The following UCHL3 variants were observed in gnomAD, a reference collection of about 807,000 sequenced individuals.
UCHL3 encodes the protein ubiquitin carboxyl-terminal hydrolase isozyme L3.
A neutral mutation model predicts 35.8 loss-of-function variants in UCHL3; 22 were observed. That is an observed-to-expected ratio of 0.61 (90% CI 0.44 to 0.88). The LOEUF (loss-of-function observed/expected upper bound fraction) is 0.88, where lower values mean the gene tolerates loss of function less well. UCHL3 is among the 40% of genes least tolerant of loss of function. The pLI, the probability that UCHL3 is intolerant of heterozygous loss-of-function variation, is 0.00. For missense variants in UCHL3, 229 were observed against 276.9 expected (o/e 0.83, Z 1.23); for synonymous variants, 90 against 92.8 (o/e 0.97, Z 0.17).
chr13:75,572,001 T>TTGTCTTGTCG (rs1566216830), intron 6 of UCHL3, among the ~76,000 whole-genome samples: 1 of 151,884 alleles, frequency 6.6e-6, no homozygotes, highest in Non-Finnish European at 1.5e-5. Flanking sequence ...TTGTCTTGTC[T>TTGTCTTGTCG]TGTCTTGTCT....
chr13:75,566,564 A>C, intron 3 of UCHL3, 131 bp from the exon 4 acceptor site: 1 of 624,294 alleles, frequency 1.6e-6, no homozygotes, highest in Non-Finnish European at 2.5e-6. Flanking sequence ...TAGGTGATAA[A>C]TTAATTCTTT....
At chr13:75,576,150 G>A (rs578001833) in intron 6 of UCHL3, among the ~76,000 whole-genome samples, 1 of 152,064 alleles carries the variant, frequency 6.6e-6, no homozygotes, top group Non-Finnish European at 1.5e-5. Flanking sequence ...TCCTAGCTTG[G>A]GATAGGAAAC....
At chr13:75,583,380 T>C (rs2032238956) in intron 6 of UCHL3, among the ~76,000 whole-genome samples, 1 of 152,216 alleles carries the variant, frequency 6.6e-6, no homozygotes, top group African/African-American at 2.4e-5. Flanking sequence ...TCCTCTGTTA[T>C]ATAAGTTTTT....
At chr13:75,586,754 A>C (rs1292697084) in intron 6 of UCHL3, among the ~76,000 whole-genome samples, 2 of 152,038 alleles carry the variant, frequency 1.3e-5, no homozygotes, top group Non-Finnish European at 2.9e-5. Flanking sequence ...TTAGATATTC[A>C]ATAGTACACT....
At chr13:75,584,291 G>C (rs2032264351) in intron 6 of UCHL3, among the ~76,000 whole-genome samples, 1 of 152,100 alleles carries the variant, frequency 6.6e-6, no homozygotes, top group Non-Finnish European at 1.5e-5. Context: ...GTGGGGATGG[G>C]TCAATAATAT....
At chr13:75,556,545 T>G (rs2031298113) in intron 2 of UCHL3, among the ~76,000 whole-genome samples, 1 of 152,232 alleles carries the variant, frequency 6.6e-6, no homozygotes, top group Non-Finnish European at 1.5e-5. Context: ...GAAAGGAAAG[T>G]GAATTTTATC....
intron 7 of UCHL3, among the ~76,000 whole-genome samples, chr13:75,597,109 G>A (rs1332138110): frequency 6.6e-6 from 1 of 152,212 alleles, no homozygotes; most frequent in African/African-American, 2.4e-5. Flanking sequence ...CATTGCAAAG[G>A]AAACTGGCAG....
At chr13:75,587,342 T>A (rs58156788) in intron 6 of UCHL3, among the ~76,000 whole-genome samples, 4,721 of 152,158 alleles carry the variant, frequency 0.031, 246 homozygotes, top group African/African-American at 0.11. Flanking sequence ...AAATTTAATA[T>A]CTGTGCTTAG....
chr13:75,562,095 A>AT (rs2031536567), intron 3 of UCHL3, among the ~76,000 whole-genome samples: 2 of 152,130 alleles, frequency 1.3e-5, no homozygotes, highest in African/African-American at 4.8e-5. Context: ...TGCTCAGGTC[A>AT]TCCTATTCTT....
intron 7 of UCHL3, among the ~76,000 whole-genome samples, chr13:75,595,560 G>C (rs982244532): frequency 1.7e-5 from 2 of 117,790 alleles, no homozygotes; most frequent in Non-Finnish European, 3.2e-5. Flanking sequence ...TCGTGCCATG[G>C]TACTCCAGCC....
In UCHL3 at chr13:75,605,823, A is replaced by G. The variant is rs755549913; in HGVS notation, c.*11A>G. 1 of 1,613,406 alleles carries G rather than the reference A, an allele frequency of 6.2e-7. No homozygotes were observed. Among genetic ancestry groups the G allele is most frequent in the Non-Finnish European group, 8.5e-7 (1 of 1,179,638 alleles). On this transcript the variant is annotated 3_prime_UTR_variant, in exon 9 of 9. Transcript: ENST00000377595. The stretch of plus-strand genomic sequence containing the variant: ...CTTTCTGCAGCATAGCTTGTCAATA[A>G]TGGAAACACCAAAAACTGTATTATT...
chr13:75,597,409 G>T (rs920566754), intron 7 of UCHL3, among the ~76,000 whole-genome samples: 9 of 151,978 alleles, frequency 5.9e-5, no homozygotes, highest in African/African-American at 2.2e-4. Context: ...TAACTTTTAA[G>T]AAAGAAGTCA....
At chr13:75,595,105 A>G (rs1047367887) in intron 7 of UCHL3, 115 bp downstream of exon 7, 1 of 759,118 alleles carries the variant, frequency 1.3e-6, no homozygotes, top group Non-Finnish European at 2.0e-6. Context: ...CTGGTTGCCT[A>G]TAAAATTGAT....
intron 6 of UCHL3, among the ~76,000 whole-genome samples, chr13:75,582,253 G>T: frequency 6.6e-6 from 1 of 152,162 alleles, no homozygotes; most frequent in East Asian, 1.9e-4. Context: ...AAAATCTCAT[G>T]CAACAATTAC....
chr13:75,598,006 CCTT>C (rs1283159591), intron 7 of UCHL3, among the ~76,000 whole-genome samples: 2 of 152,046 alleles, frequency 1.3e-5, no homozygotes, highest in Non-Finnish European at 2.9e-5. Context: ...TAAAATGACT[CCTT>C]GTGGATATAG....
intron 7 of UCHL3, among the ~76,000 whole-genome samples, chr13:75,603,714 A>G (rs1008687020): frequency 1.3e-5 from 2 of 152,100 alleles, no homozygotes; most frequent in Non-Finnish European, 2.9e-5. Context: ...TTATTGAGAA[A>G]TATACATTAT....
At chr13:75,575,064 T>C (rs1223039034) in intron 6 of UCHL3, among the ~76,000 whole-genome samples, 2 of 152,224 alleles carry the variant, frequency 1.3e-5, no homozygotes. Context: ...GCATCACTGG[T>C]ACTCTCTATC....
At chr13:75,597,362 G>A (rs2032669352) in intron 7 of UCHL3, among the ~76,000 whole-genome samples, 1 of 148,154 alleles carries the variant, frequency 6.7e-6, no homozygotes, top group African/African-American at 2.5e-5. Flanking sequence ...ATGGCAAGAC[G>A]TCATCTCTTA....
intron 3 of UCHL3, among the ~76,000 whole-genome samples, chr13:75,564,401 T>C (rs995657332): frequency 2.8e-4 from 42 of 152,018 alleles, no homozygotes; most frequent in African/African-American, 8.0e-4. Context: ...CCACCCGCCT[T>C]GGCCTCCCAA....
Sources: gnomAD v4.1 joint callset for allele counts (sites outside exome capture counted in the v4.1 genomes callset) on GRCh38, gnomAD v4.1.1 for gene constraint, MANE v1.5 for transcripts, NCBI Gene and HGNC (gene_info 2026-07-23, HGNC 2026-07-21) for gene names.